RUFY4: variants seen among roughly 807,000 people sequenced by gnomAD.
The protein encoded by RUFY4 is RUN and FYVE domain-containing protein 4.
Under a neutral mutation model 69.0 loss-of-function variants are expected in RUFY4, and 73 were observed. The ratio of observed to expected loss-of-function variants is 1.06; its 90% CI spans 0.88 to 1.29. The LOEUF (loss-of-function observed/expected upper bound fraction) is 1.29. Among genes scored for constraint, RUFY4 ranks in the 50% most tolerant of loss-of-function variants. RUFY4 has a pLI of 0.00. For missense variants in RUFY4, 770 were observed against 705.6 expected, an observed-to-expected ratio of 1.09 and a Z score of -1.03; for synonymous variants, 287 against 271.8, an observed-to-expected ratio of 1.06 and a Z score of -0.55.
chr2:218,042,845 A>T (rs1166141871), intron 2 of RUFY4, among the ~76,000 whole-genome samples: 1 of 152,192 alleles, frequency 6.6e-6, no homozygotes, highest in African/African-American at 2.4e-5. Flanking sequence ...TTTGATAATG[A>T]GTGTGTTACA....
At position 218,083,179 on chromosome 2, in the gene RUFY4, T is replaced by C. The variant is rs201380050; in HGVS notation, c.1425T>C (p.Asp475=). ...AGCAACAGGAGGCTGAGAGGAGGGA[T>C]GCCATGTACCAGGAGGAGCTTGGAG... Residue 475 remains aspartate, a synonymous_variant, in exon 9 of 11, where the codon GAT becomes GAC. Transcript: ENST00000344321. The C allele has an allele frequency of 1.8e-4, 285 of 1,613,478 alleles. 1 individual carries two copies. Among genetic ancestry groups the C allele is most frequent in the Non-Finnish European group, 3.2e-5 (38 of 1,179,754 alleles).
intron 2 of RUFY4, among the ~76,000 whole-genome samples, chr2:218,041,483 A>G (rs1011377247): frequency 1.3e-5 from 2 of 152,224 alleles, no homozygotes; most frequent in African/African-American, 4.8e-5. Context: ...TTATTTGAGC[A>G]AACAACAGCT....
chr2:218,059,995 T>A (rs1689145591), intron 3 of RUFY4: 1 of 182,882 alleles, frequency 5.5e-6, no homozygotes, highest in Non-Finnish European at 1.3e-5. Flanking sequence ...TTCTATTTTA[T>A]GATTTTCTTT....
At chr2:218,042,443 G>T (rs1276315016) in intron 2 of RUFY4, among the ~76,000 whole-genome samples, 1 of 152,314 alleles carries the variant, frequency 6.6e-6, no homozygotes, top group Admixed American at 6.5e-5. Context: ...AAGAAAAACA[G>T]AAGTTAATAT....
chr2:218,083,719 G>A (rs1689824202), intron 9 of RUFY4, among the ~76,000 whole-genome samples: 1 of 151,688 alleles, frequency 6.6e-6, no homozygotes, highest in Non-Finnish European at 1.5e-5. Context: ...CTGCACTCCA[G>A]CCTGGGCGAC....
At chr2:218,040,358 C>A (rs538326338) in intron 2 of RUFY4, among the ~76,000 whole-genome samples, 18 of 152,278 alleles carry the variant, frequency 1.2e-4, no homozygotes, top group African/African-American at 4.3e-4. Flanking sequence ...CATCAAGTGC[C>A]CTCTAACTGT....
chr2:218,086,131 T>A (rs1689888902), intron 9 of RUFY4, among the ~76,000 whole-genome samples: 1 of 152,150 alleles, frequency 6.6e-6, no homozygotes, highest in African/African-American at 2.4e-5. Context: ...CTAAAATGAT[T>A]AGAAGAGAAA....
rs919668517 is a variant in RUFY4 at position 218,070,875 on chromosome 2, C to A, written c.153+16C>A. On this transcript the variant is annotated intron_variant, in intron 2 of 10. Transcript: ENST00000344321. ...GCTGCTGCAGGTGGGACCTTCTCCTCCCCTTCCCCATCCCTCTCCCCAGAC... is the reference window on the plus strand; with the variant it reads ...GCTGCTGCAGGTGGGACCTTCTCCTACCCTTCCCCATCCCTCTCCCCAGAC... 2.0e-6 allele frequency: 3 copies of A among 1,521,948 alleles called. No individual in the cohort carries two copies. Among genetic ancestry groups the A allele is most frequent in the East Asian group, 2.4e-5 (1 of 40,886 alleles). 94.3% of individuals were successfully genotyped at this position (1,521,948 alleles called of 1,614,324 possible).
exon 7 of RUFY4, chr2:218,075,446 G>C: frequency 1.9e-6 from 3 of 1,609,900 alleles, no homozygotes; most frequent in Non-Finnish European, 2.5e-6. Context: ...AGGTCACAGG[G>C]GTTCTGCTGG....
chr2:218,080,408 G>T (rs962242869), intron 8 of RUFY4, among the ~76,000 whole-genome samples: 1 of 152,170 alleles, frequency 6.6e-6, no homozygotes, highest in Non-Finnish European at 1.5e-5. Context: ...CTGTGAAAAC[G>T]GACTTTGGGC....
intron 2 of RUFY4, among the ~76,000 whole-genome samples, chr2:218,053,176 C>T (rs1688983937): frequency 6.6e-6 from 1 of 152,006 alleles, no homozygotes; most frequent in African/African-American, 2.4e-5. Flanking sequence ...CTTTGACAAA[C>T]TTCCCTAAAA....
chr2:218,060,804 T>C, intron 3 of RUFY4: 6 of 1,586,258 alleles, frequency 3.8e-6, no homozygotes, highest in Non-Finnish European at 5.2e-6. Flanking sequence ...CATCCACCAG[T>C]TTGCTGTATT....
At chr2:218,061,130 A>G (rs1417547218) in intron 3 of RUFY4, 2 of 497,394 alleles carry the variant, frequency 4.0e-6, no homozygotes, top group Non-Finnish European at 8.1e-6. Context: ...TGTCAGGGAA[A>G]AGAACAGGTC....
rs79620802 is a variant in RUFY4, at chr2:218,074,531, G to A, written c.601-562G>A. Among the ~76,000 whole-genome samples, 557 of 152,134 alleles carry A rather than the reference G, an allele frequency of 3.7e-3. 1 individual carries two copies. Among genetic ancestry groups the A allele is most frequent in the Non-Finnish European group, 6.3e-3 (428 of 68,014 alleles). ...ACAGATACTATTAGTTCTCTGGTCCGAAAAGTTCAGGGTCTCTTCATGGAG... is the reference window on the plus strand; with the variant it reads ...ACAGATACTATTAGTTCTCTGGTCCAAAAAGTTCAGGGTCTCTTCATGGAG... On this transcript the variant is annotated intron_variant, in intron 6 of 10. Transcript: ENST00000344321.
chr2:218,038,430 G>A (rs780991712), intron 2 of RUFY4, among the ~76,000 whole-genome samples: 6 of 152,202 alleles, frequency 3.9e-5, no homozygotes, highest in Non-Finnish European at 5.9e-5. Context: ...AAAATGCACA[G>A]TTTTGGGTGA....
intron 2 of RUFY4, among the ~76,000 whole-genome samples, chr2:218,055,327 G>A (rs377523001): frequency 6.6e-6 from 1 of 152,026 alleles, no homozygotes; most frequent in South Asian, 2.1e-4. Context: ...CCCAGGAAGT[G>A]GAGGTTGCAG....
chr2:218,060,714 A>G (rs1232408568), intron 3 of RUFY4: 3 of 1,378,210 alleles, frequency 2.2e-6, no homozygotes, highest in Admixed American at 1.7e-5. Context: ...TAAACAGCGT[A>G]TGCAGGGTGA....
upstream of RUFY4, chr2:218,070,295 A>G: frequency 2.5e-6 from 1 of 403,346 alleles, no homozygotes; most frequent in Non-Finnish European, 4.7e-6. Flanking sequence ...CTGGTCTAAA[A>G]TGGAGTTAAT....
At chr2:218,039,412 A>G (rs1218987006) in intron 2 of RUFY4, among the ~76,000 whole-genome samples, 1 of 152,226 alleles carries the variant, frequency 6.6e-6, no homozygotes, top group Non-Finnish European at 1.5e-5. Flanking sequence ...ATCACAGTAG[A>G]AATGTCTCCC....
Sources: allele counts gnomAD v4.1 joint callset (sites outside exome capture counted in the v4.1 genomes callset), GRCh38; gene constraint gnomAD v4.1.1; transcripts MANE v1.5; gene names NCBI Gene and HGNC (gene_info 2026-07-23, HGNC 2026-07-21).